Variants in MAML3 observed in about 807,000 individuals in gnomAD.
MAML3 encodes the protein mastermind like transcriptional coactivator 3, also known as mastermind-like protein 3.
In MAML3, 27 loss-of-function variants were observed where a neutral mutation model predicts 101.9. The observed-to-expected ratio is 0.27, with a 90% CI of 0.20 to 0.37. The LOEUF (loss-of-function observed/expected upper bound fraction) is 0.37, where lower values mean the gene tolerates loss of function less well. Ranked by LOEUF, MAML3 falls within the 10% of genes least tolerant of loss-of-function variation. The pLI is 1.00. For synonymous variants in MAML3, 501 were observed against 555.9 expected, an observed-to-expected ratio of 0.90 and a Z score of 1.39; for missense variants, 1,316 against 1,444.9, an observed-to-expected ratio of 0.91 and a Z score of 1.45.
intron 2 of MAML3, among the ~76,000 whole-genome samples, chr4:139,852,430 T>G (rs1731576546): frequency 7.6e-6 from 1 of 132,078 alleles, no homozygotes; most frequent in African/African-American, 2.8e-5. Context: ...TTTTTTTTTT[T>G]GAGACAGAGT....
intron 1 of MAML3, among the ~76,000 whole-genome samples, chr4:140,026,529 C>T (rs527881264): frequency 6.6e-6 from 1 of 152,314 alleles, no homozygotes; most frequent in Admixed American, 6.5e-5. Flanking sequence ...GCTGGGATTA[C>T]AGCCCTGAGC....
At chr4:140,088,337 C>T (rs1461145284) in intron 1 of MAML3, among the ~76,000 whole-genome samples, 1 of 152,116 alleles carries the variant, frequency 6.6e-6, no homozygotes, top group Admixed American at 6.6e-5. Context: ...CCCCTATCCC[C>T]TTCTTTCAGA....
At chr4:139,916,664 C>G (rs542026315) in intron 1 of MAML3, among the ~76,000 whole-genome samples, 6 of 152,368 alleles carry the variant, frequency 3.9e-5, no homozygotes, top group African/African-American at 1.4e-4. Flanking sequence ...AAAATTTGCA[C>G]TCGGCAGCCA....
chr4:140,110,981 T>C (rs1207841862), intron 1 of MAML3, among the ~76,000 whole-genome samples: 4 of 152,192 alleles, frequency 2.6e-5, no homozygotes, highest in Non-Finnish European at 4.4e-5. Flanking sequence ...TAATGAATTC[T>C]TAGATTAGTA....
intron 1 of MAML3, among the ~76,000 whole-genome samples, chr4:139,937,469 C>T (rs189726345): frequency 2.8e-4 from 43 of 152,012 alleles, no homozygotes; most frequent in African/African-American, 1.0e-3. Flanking sequence ...TCACTGCAAC[C>T]TCCGCCTCCC....
At chr4:139,900,228 A>C (rs1046640955) in intron 1 of MAML3, among the ~76,000 whole-genome samples, 2 of 152,244 alleles carry the variant, frequency 1.3e-5, no homozygotes, top group African/African-American at 2.4e-5. Context: ...CAATGTTTGG[A>C]ACATGAGCAC....
chr4:140,059,738 T>C (rs1432909602), intron 1 of MAML3, among the ~76,000 whole-genome samples: 1 of 152,102 alleles, frequency 6.6e-6, no homozygotes, highest in Non-Finnish European at 1.5e-5. Context: ...TTTAAGTGTG[T>C]CTACAAGAGC....
chr4:139,880,514 A>G (rs887087666), intron 2 of MAML3, among the ~76,000 whole-genome samples: 12 of 152,184 alleles, frequency 7.9e-5, no homozygotes, highest in African/African-American at 2.9e-4. Flanking sequence ...ATGAACCTAA[A>G]CTGTTTTCAT....
chr4:139,772,954 C>T (rs1730026162), intron 2 of MAML3, among the ~76,000 whole-genome samples: 1 of 151,608 alleles, frequency 6.6e-6, no homozygotes, highest in South Asian at 2.1e-4. Context: ...GTAGAGGGCC[C>T]TAACCCTAAA....
At chr4:139,980,428 A>G (rs989366519) in intron 1 of MAML3, among the ~76,000 whole-genome samples, 22 of 152,122 alleles carry the variant, frequency 1.4e-4, no homozygotes, top group African/African-American at 5.1e-4. Flanking sequence ...TGGCTAAGAC[A>G]TCATCTCCCT....
intron 1 of MAML3, among the ~76,000 whole-genome samples, chr4:139,897,875 A>AC (rs1732643144): frequency 6.6e-6 from 1 of 151,958 alleles, no homozygotes; most frequent in Non-Finnish European, 1.5e-5. Context: ...TTACCCCGCA[A>AC]CCCCACTCAA....
intron 1 of MAML3, among the ~76,000 whole-genome samples, chr4:140,119,583 A>G (rs1465161910): frequency 7.2e-6 from 1 of 139,728 alleles, no homozygotes; most frequent in Non-Finnish European, 1.5e-5. Flanking sequence ...TGGGATACAC[A>G]ATTTTTTCCC....
At chr4:140,143,578 T>G (rs1729009922) in intron 1 of MAML3, among the ~76,000 whole-genome samples, 1 of 152,072 alleles carries the variant, frequency 6.6e-6, no homozygotes, top group African/African-American at 2.4e-5. Flanking sequence ...CTGACCAACA[T>G]GGTGAAACCC....
chr4:139,803,363 G>T (rs1251340207), intron 2 of MAML3, among the ~76,000 whole-genome samples: 1 of 152,174 alleles, frequency 6.6e-6, no homozygotes, highest in East Asian at 1.9e-4. Flanking sequence ...AAATGTTACA[G>T]ATTACCATTT....
intron 1 of MAML3, among the ~76,000 whole-genome samples, chr4:140,146,061 C>T (rs28505049): frequency 0.095 from 14,045 of 148,366 alleles, 890 homozygotes; most frequent in East Asian, 0.27. Flanking sequence ...TTAGTAGAGA[C>T]GGGGTTTCAC....
At chr4:139,880,195 AC>A (rs1732192348) in intron 2 of MAML3, among the ~76,000 whole-genome samples, 1 of 152,002 alleles carries the variant, frequency 6.6e-6, no homozygotes, top group South Asian at 2.1e-4. Flanking sequence ...AAAAAAACAA[AC>A]AAAAAACCTC....
rs146165596 is a variant in MAML3 at position 139,915,442 on chromosome 4, CTA to C, written c.469-24477_469-24476del. Among the ~76,000 whole-genome samples the C allele has an allele frequency of 8.4e-3, 1,280 of 152,336 alleles. 16 individuals are homozygous for C. The highest frequency in any genetic ancestry group is 0.029 in the African/African-American group (1,216 of 41,580). ...ATGATGAGGTTAGCTGGCCCCATCTCTATGTTTAAACCTAACGTTCAGACAGA... is the reference window on the plus strand; with the variant it reads ...ATGATGAGGTTAGCTGGCCCCATCTCTGTTTAAACCTAACGTTCAGACAGA... On this transcript the variant is annotated intron_variant, in intron 1 of 4. Transcript: ENST00000509479.
At chr4:139,990,866 G>A (rs1164317004) in intron 1 of MAML3, among the ~76,000 whole-genome samples, 1 of 152,142 alleles carries the variant, frequency 6.6e-6, no homozygotes. Context: ...ACCTCTTCAA[G>A]GAGAACTACA....
chr4:139,830,408 C>CTTTTTTTTTTTTTTTTT (rs1560807162), intron 2 of MAML3, among the ~76,000 whole-genome samples: 1 of 143,532 alleles, frequency 7.0e-6, no homozygotes, highest in African/African-American at 2.8e-5. Context: ...GCACGCTGTG[C>CTTTTTTTTTTTTTTTTT]TATTTTTTTT....
Sources: allele counts gnomAD v4.1 joint callset (sites outside exome capture counted in the v4.1 genomes callset), GRCh38; gene constraint gnomAD v4.1.1; transcripts MANE v1.5; gene names NCBI Gene and HGNC (gene_info 2026-07-23, HGNC 2026-07-21).